Variants in PCTP observed in about 807,000 individuals in gnomAD.
PCTP encodes START domain-containing protein 2.
Under a neutral mutation model 31.0 loss-of-function variants are expected in PCTP, and 27 were observed. The ratio of observed to expected loss-of-function variants is 0.87; its 90% CI spans 0.64 to 1.20. The LOEUF is 1.20. Among genes scored for constraint, PCTP ranks in the 50% most tolerant of loss-of-function variants. The pLI is 0.00. For synonymous variants in PCTP, 108 were observed against 101.2 expected (o/e 1.07, Z -0.40); for missense variants, 287 against 268.2 (o/e 1.07, Z -0.49).
At chr17:55,840,921 T>C (rs1020775152) in intron 5 of PCTP, among the ~76,000 whole-genome samples, 2 of 152,316 alleles carry the variant, frequency 1.3e-5, no homozygotes, top group Admixed American at 6.5e-5. Context: ...CAAAAAAGTC[T>C]GAAATCCTAA....
chr17:55,835,243 C>T (rs558023019), intron 5 of PCTP, among the ~76,000 whole-genome samples: 1 of 152,282 alleles, frequency 6.6e-6, no homozygotes, highest in African/African-American at 2.4e-5. Context: ...AAATGCCTGC[C>T]ATCCCAAGCC....
chr17:55,797,279 C>T (rs569161619), intron 3 of PCTP, among the ~76,000 whole-genome samples: 35 of 151,928 alleles, frequency 2.3e-4, no homozygotes, highest in African/African-American at 6.8e-4. Flanking sequence ...ACAAAGAAAG[C>T]GATAACTTGA....
At chr17:55,775,219 C>A in intron 5 of PCTP, 1 of 1,266,808 alleles carries the variant, frequency 7.9e-7, no homozygotes, top group Non-Finnish European at 9.9e-7. Context: ...ACAGACTGAC[C>A]TGGCTTGGAG....
chr17:55,779,133 C>G (rs753270682), downstream of PCTP, among the ~76,000 whole-genome samples: 14 of 152,192 alleles, frequency 9.2e-5, no homozygotes, highest in Non-Finnish European at 1.9e-4. Context: ...TGCATCGAGA[C>G]ATTTAGTTCT....
intron 3 of PCTP, among the ~76,000 whole-genome samples, chr17:55,790,924 C>G (rs1201368722): frequency 2.6e-5 from 4 of 151,272 alleles, no homozygotes; most frequent in Non-Finnish European, 4.4e-5. Context: ...GCTACAGTAA[C>G]CAAAACAGCA....
chr17:55,754,170 G>A (rs560371178), intron 1 of PCTP, among the ~76,000 whole-genome samples: 48 of 152,262 alleles, frequency 3.2e-4, no homozygotes, highest in African/African-American at 1.2e-3. Context: ...AATAGTGTCA[G>A]ATCCCGTAGG....
At position 55,803,549 on chromosome 17, in the gene PCTP, A is replaced by G. The variant is rs1174180201; in HGVS notation, c.317+15895A>G. ...GGAACAGAACAGAGGCCTCAGAAAT[A>G]GTGCCACACATCTACAACCATCTGA... On this transcript the variant is annotated intron_variant, in intron 3 of 3. Coordinates refer to the PCTP transcript ENST00000572536. Among the ~76,000 whole-genome samples, 5 of 152,212 alleles carry G rather than the reference A, an allele frequency of 3.3e-5. No individual in the cohort carries two copies. The East Asian group carries it at 9.6e-4, about 29-fold the overall frequency.
intron 5 of PCTP, among the ~76,000 whole-genome samples, chr17:55,832,654 A>G (rs1236309537): frequency 6.6e-6 from 1 of 152,226 alleles, no homozygotes; most frequent in Non-Finnish European, 1.5e-5. Flanking sequence ...GAGCTGCTGC[A>G]TGTAATCCCT....
chr17:55,829,237 C>A (rs574903227), intron 5 of PCTP, among the ~76,000 whole-genome samples: 2 of 150,290 alleles, frequency 1.3e-5, no homozygotes, highest in Admixed American at 6.6e-5. Context: ...TAAAGACATA[C>A]TTACACTTCA....
chr17:55,759,092 G>A (rs1403843395), intron 1 of PCTP, among the ~76,000 whole-genome samples: 2 of 152,250 alleles, frequency 1.3e-5, no homozygotes, highest in Non-Finnish European at 2.9e-5. Context: ...AACATCTGGA[G>A]TGAACCAGCA....
intron 3 of PCTP, among the ~76,000 whole-genome samples, chr17:55,792,848 T>G (rs1048472689): frequency 1.3e-5 from 2 of 152,172 alleles, no homozygotes; most frequent in African/African-American, 4.8e-5. Context: ...AGGTTCTTAA[T>G]TTTTAAGCAA....
At chr17:55,828,769 G>A (rs1332293116) in intron 5 of PCTP, among the ~76,000 whole-genome samples, 1 of 152,152 alleles carries the variant, frequency 6.6e-6, no homozygotes. Flanking sequence ...GGGGGAGGGG[G>A]CAAGATGAGA....
chr17:55,829,266 T>A (rs1051280546), intron 5 of PCTP, among the ~76,000 whole-genome samples: 13 of 152,008 alleles, frequency 8.6e-5, no homozygotes, highest in Non-Finnish European at 1.6e-4. Flanking sequence ...ATCAGTTTGG[T>A]AGAAGAGTTA....
chr17:55,765,256 C>T (rs974725488), intron 1 of PCTP, among the ~76,000 whole-genome samples: 5 of 152,160 alleles, frequency 3.3e-5, no homozygotes, highest in Non-Finnish European at 7.4e-5. Context: ...TAACCTCTCT[C>T]GAGAACTGTA....
intron 1 of PCTP, among the ~76,000 whole-genome samples, chr17:55,758,669 G>A (rs957686778): frequency 6.6e-5 from 10 of 152,116 alleles, no homozygotes; most frequent in African/African-American, 1.7e-4. Flanking sequence ...CAGGACACCC[G>A]TCTGTGGCAT....
intron 1 of PCTP, among the ~76,000 whole-genome samples, chr17:55,758,751 A>G (rs1289149593): frequency 6.6e-6 from 1 of 152,154 alleles, no homozygotes; most frequent in Non-Finnish European, 1.5e-5. Context: ...TGGGTAGATA[A>G]GTTAGAGTCT....
chr17:55,761,728 G>A (rs1200571116), intron 1 of PCTP, among the ~76,000 whole-genome samples: 1 of 151,546 alleles, frequency 6.6e-6, no homozygotes, highest in African/African-American at 2.4e-5. Context: ...AAAACTAAAT[G>A]TTGTATCTCA....
At chr17:55,792,168 A>AG (rs1422179555) in intron 3 of PCTP, among the ~76,000 whole-genome samples, 3 of 66,420 alleles carry the variant, frequency 4.5e-5, no homozygotes, top group Non-Finnish European at 8.3e-5. Context: ...GGGTGGGGGG[A>AG]GGGGGGAGGG....
At chr17:55,797,171 TATG>T (rs1414983264) in intron 3 of PCTP, among the ~76,000 whole-genome samples, 4 of 152,010 alleles carry the variant, frequency 2.6e-5, no homozygotes, top group Non-Finnish European at 5.9e-5. Context: ...CATTCCTGAC[TATG>T]ATAACTAGCT....
Sources: gnomAD v4.1 joint callset for allele counts (sites outside exome capture counted in the v4.1 genomes callset) on GRCh38, gnomAD v4.1.1 for gene constraint, MANE v1.5 for transcripts, NCBI Gene and HGNC (gene_info 2026-07-23, HGNC 2026-07-21) for gene names.